GRID2: variants seen among roughly 807,000 people sequenced by gnomAD.
GRID2 encodes the protein glutamate ionotropic receptor delta type subunit 2, also known as glutamate receptor ionotropic, delta-2.
A neutral mutation model predicts 114.8 loss-of-function variants in GRID2; 33 were observed. That is an observed-to-expected ratio of 0.29 (90% CI 0.22 to 0.38). The LOEUF is 0.38. Ranked by LOEUF, GRID2 falls within the 10% of genes least tolerant of loss-of-function variation. The pLI, the probability that GRID2 is intolerant of heterozygous loss-of-function variation, is 1.00. For missense variants in GRID2, 1,184 were observed against 1,257.7 expected (o/e 0.94, Z 0.89); for synonymous variants, 505 against 449.9 (o/e 1.12, Z -1.55).
At chr4:92,946,107 T>A (rs1435192272) in intron 2 of GRID2, among the ~76,000 whole-genome samples, 1 of 152,130 alleles carries the variant, frequency 6.6e-6, no homozygotes, top group Non-Finnish European at 1.5e-5. Flanking sequence ...AAAATTATAT[T>A]TTCTAGTCCA....
chr4:93,154,758 A>G (rs1737025252), intron 4 of GRID2, among the ~76,000 whole-genome samples: 1 of 151,258 alleles, frequency 6.6e-6, no homozygotes, highest in Admixed American at 6.6e-5. Context: ...AAACAAAAAC[A>G]AACAAACAAA....
chr4:93,783,826 A>G (rs1332129861), intron 1 of GRID2, among the ~76,000 whole-genome samples: 2 of 151,732 alleles, frequency 1.3e-5, no homozygotes, highest in Admixed American at 1.3e-4. Context: ...TAATCCCAGC[A>G]CTTTGGGAGG....
At chr4:92,587,084 G>A (rs1295066131) in intron 1 of GRID2, among the ~76,000 whole-genome samples, 1 of 146,918 alleles carries the variant, frequency 6.8e-6, no homozygotes, top group Non-Finnish European at 1.5e-5. Flanking sequence ...TATATAGAGA[G>A]TACTGATGAA....
intron 2 of GRID2, among the ~76,000 whole-genome samples, chr4:92,946,645 G>A (rs1751655145): frequency 6.6e-6 from 1 of 152,016 alleles, no homozygotes; most frequent in African/African-American, 2.4e-5. Context: ...AGCAATGAAT[G>A]CTTCTTCACC....
intron 2 of GRID2, among the ~76,000 whole-genome samples, chr4:93,026,935 G>T (rs935425135): frequency 1.3e-5 from 2 of 152,098 alleles, no homozygotes; most frequent in South Asian, 4.1e-4. Context: ...ACCAAGAATA[G>T]GCAATCTGTG....
chr4:92,590,574 T>G lies in GRID2; in HGVS notation c.244+288T>G, dbSNP rs538626864. ...ATGACTTCAGTGTAAATGAAACATC[T>G]TTTTAAAATAGTATTTTCTAACAGA... On this transcript the variant is annotated intron_variant, in intron 2 of 15. Coordinates refer to ENST00000282020, the MANE Select transcript of GRID2 (RefSeq NM_001510.4). 2.0e-5 allele frequency among the ~76,000 whole-genome samples: 3 copies of G among 152,320 alleles called. No individual in the cohort carries two copies. In the East Asian group the frequency reaches 5.8e-4, roughly 29 times the overall value.
rs80147331 is a variant in GRID2, at chr4:92,544,937, T to G, written c.89-45194T>G. ...TTTATTAGGTAATGAGCCCAGAAAT[T>G]ATGCTGCTACTTTTACACCTTTATT... On this transcript the variant is annotated intron_variant, in intron 1 of 15. Transcript: ENST00000282020. Among the ~76,000 whole-genome samples the G allele has an allele frequency of 3.7e-3, 562 of 152,218 alleles. 1 individual carries two copies. The highest frequency in any genetic ancestry group is 8.7e-3 in the South Asian group (42 of 4,824).
intron 7 of GRID2, among the ~76,000 whole-genome samples, chr4:93,236,818 T>C (rs1746852160): frequency 6.6e-6 from 1 of 152,104 alleles, no homozygotes; most frequent in African/African-American, 2.4e-5. Flanking sequence ...TTTAAGCGTA[T>C]AATAATTTTT....
At chr4:92,768,469 C>G (rs1020051032) in intron 2 of GRID2, among the ~76,000 whole-genome samples, 1 of 152,124 alleles carries the variant, frequency 6.6e-6, no homozygotes, top group Non-Finnish European at 1.5e-5. Flanking sequence ...ATATGTTGTG[C>G]AAGTTCCTTA....
rs773952838 is a variant in GRID2, at chr4:92,937,702, G to A, written c.245-147293G>A. Among the ~76,000 whole-genome samples the A allele has an allele frequency of 1.0e-4, 15 of 146,522 alleles. 3 individuals carry two copies. The highest frequency in any genetic ancestry group is 2.1e-4 in the Non-Finnish European group (14 of 66,198). On this transcript the variant is annotated intron_variant, in intron 2 of 15. Coordinates refer to ENST00000282020, the MANE Select transcript of GRID2 (RefSeq NM_001510.4). ...GCTCCTTGCCTTCCACTGGATTTTA[G>A]GATCAGCTTTCTTTAACATTTACAT...
intron 2 of GRID2, among the ~76,000 whole-genome samples, chr4:92,651,758 A>G (rs1284568471): frequency 6.6e-6 from 1 of 152,100 alleles, no homozygotes; most frequent in Non-Finnish European, 1.5e-5. Context: ...AAACAGGTGC[A>G]CTGCCTGAAG....
intron 13 of GRID2, among the ~76,000 whole-genome samples, chr4:93,611,649 T>G (rs1435267300): frequency 8.1e-6 from 1 of 122,908 alleles, no homozygotes; most frequent in Non-Finnish European, 1.6e-5. Context: ...TAATCCTGAG[T>G]TCTAGTTTGA....
intron 2 of GRID2, among the ~76,000 whole-genome samples, chr4:92,765,136 A>C (rs769406704): frequency 2.0e-5 from 3 of 152,182 alleles, no homozygotes; most frequent in Non-Finnish European, 4.4e-5. Context: ...GAGGAAAAAC[A>C]CCTGCTCACA....
chr4:93,602,980 C>A (rs564249674), intron 13 of GRID2, among the ~76,000 whole-genome samples: 1 of 152,140 alleles, frequency 6.6e-6, no homozygotes, highest in South Asian at 2.1e-4. Flanking sequence ...GAGGCCGAGG[C>A]GGGCAAATCA....
In GRID2 at chr4:92,365,278, A is replaced by G. The variant is rs546988266; in HGVS notation, c.88+60534A>G. Among the ~76,000 whole-genome samples, 3 of 152,236 alleles carry G rather than the reference A, an allele frequency of 2.0e-5. 1 individual carries two copies. The South Asian group carries it at 6.2e-4, about 32-fold the overall frequency. Reference sequence around the variant, plus strand: ...GATAAAGAAAATATGGTACATATACATAGTGAAATATCATGTAGCTTTAGA... The same window carrying G: ...GATAAAGAAAATATGGTACATATACGTAGTGAAATATCATGTAGCTTTAGA... On this transcript the variant is annotated intron_variant, in intron 1 of 15. Coordinates refer to ENST00000282020, the MANE Select transcript of GRID2 (RefSeq NM_001510.4).
chr4:93,038,475 G>T (rs529096861), intron 2 of GRID2, among the ~76,000 whole-genome samples: 1 of 152,132 alleles, frequency 6.6e-6, no homozygotes, highest in African/African-American at 2.4e-5. Context: ...TCTTATGCCA[G>T]TTAGAATGGC....
chr4:93,288,421 A>G (rs1389742203), intron 8 of GRID2, among the ~76,000 whole-genome samples: 2 of 152,132 alleles, frequency 1.3e-5, no homozygotes, highest in Non-Finnish European at 2.9e-5. Context: ...CAGAACTCAT[A>G]TGCACTTCCT....
At position 92,737,412 on chromosome 4, in the gene GRID2, A is replaced by G. The variant is rs983471658; in HGVS notation, c.244+147126A>G. On this transcript the variant is annotated intron_variant, in intron 2 of 15. Transcript: ENST00000282020. ...ATTTTTTTAAGCGGTTCCTAAGCTC[A>G]GATCTTAATACCAAAACAAGCTACT... is the stretch of plus-strand genomic sequence containing the variant. Among the ~76,000 whole-genome samples, 6 of 152,118 alleles carry G rather than the reference A, an allele frequency of 3.9e-5. No individual in the cohort carries two copies. In the East Asian group the frequency reaches 1.2e-3, roughly 29 times the overall value.
intron 1 of GRID2, among the ~76,000 whole-genome samples, chr4:92,309,233 ATT>A (rs1475795038): frequency 2.6e-5 from 4 of 152,012 alleles, no homozygotes; most frequent in Non-Finnish European, 4.4e-5. Context: ...TCTCAGGCTA[ATT>A]TTATCATATG....
Sources: gnomAD v4.1 joint callset for allele counts (sites outside exome capture counted in the v4.1 genomes callset) on GRCh38, gnomAD v4.1.1 for gene constraint, MANE v1.5 for transcripts, NCBI Gene and HGNC (gene_info 2026-07-23, HGNC 2026-07-21) for gene names.